Variants in SNRNP200 observed in about 807,000 individuals in gnomAD.
SNRNP200 encodes the protein U5 small nuclear ribonucleoprotein 200 kDa helicase.
Under a neutral mutation model 255.2 loss-of-function variants are expected in SNRNP200, and 66 were observed. That is an observed-to-expected ratio of 0.26 (90% confidence interval 0.21 to 0.32). The LOEUF (loss-of-function observed/expected upper bound fraction) is 0.32. Among genes scored for constraint, SNRNP200 ranks in the 10% least tolerant of loss-of-function variants. The pLI is 1.00. For synonymous variants in SNRNP200, 939 were observed against 1,027.8 expected, an observed-to-expected ratio of 0.91 and a Z score of 1.65; for missense variants, 1,585 against 2,749.8, an observed-to-expected ratio of 0.58 and a Z score of 9.47.
chr2:96,299,483 G>A (rs1187357873), intron 5 of SNRNP200, 56 bp from the exon 6 acceptor site: 2 of 1,421,230 alleles, frequency 1.4e-6, no homozygotes, highest in East Asian at 2.3e-5. Context: ...CATCACCACA[G>A]AACCTCTCCC....
Position 96,305,530 on chromosome 2 carries a change from C to A in SNRNP200, c.-93G>T, listed in dbSNP as rs2063983033. On this transcript the variant is annotated 5_prime_UTR_variant, in exon 1 of 45. Coordinates refer to ENST00000323853, the MANE Select transcript of SNRNP200 (RefSeq NM_014014.5). ...CTCTGCTCCCGCCGCGCCGGAACGA[C>A]GCAGGAAAGACGCACTGGGGAAGGA... is the stretch of plus-strand genomic sequence containing the variant. The A allele has an allele frequency of 1.3e-6, 2 of 1,564,342 alleles. No homozygotes were observed. The highest frequency in any genetic ancestry group is 3.4e-5 in the Admixed American group (2 of 59,448).
At chr2:96,284,761 T>A (rs1331692296) in intron 30 of SNRNP200, 176 bp from the exon 31 acceptor site, 2 of 613,196 alleles carry the variant, frequency 3.3e-6, no homozygotes, top group Non-Finnish European at 5.7e-6. Flanking sequence ...TTTTTTTTTT[T>A]CTTTTGAGAT....
intron 8 of SNRNP200, 35 bp from the exon 9 acceptor site, chr2:96,298,455 G>A: frequency 6.2e-7 from 1 of 1,613,720 alleles, no homozygotes; most frequent in South Asian, 1.1e-5. Flanking sequence ...GAAGTGAGGA[G>A]GAGGAAATAA....
rs1453538312 is a variant in SNRNP200 at position 96,291,481 on chromosome 2, G to A, written c.2332C>T (p.Leu778=). ...TGATGAATAGCAAAGCCATAAGGCA[G>A]AAGATCCTTCAGCTCTAGGTTCTGT... ...QCKNLELKDL[L]PYGFAIHHAG... The change falls in exon 18 of 45, where the codon CTG becomes TTG. Residue 778 remains leucine (L), a synonymous_variant. Coordinates refer to ENST00000323853, the MANE Select transcript of SNRNP200 (RefSeq NM_014014.5). This position sits in a 1 kb window ranked among gnomAD's most constrained non-coding sequence, Gnocchi z 4.2. The A allele has an allele frequency of 1.9e-6, 3 of 1,612,050 alleles. No individual in the cohort carries two copies. Among genetic ancestry groups the A allele is most frequent in the Non-Finnish European group, 2.5e-6 (3 of 1,178,102 alleles).
In SNRNP200 at chr2:96,289,055, A is replaced by C. The variant is rs529006345; in HGVS notation, c.3156T>G (p.Ile1052Met). ...ERVPIPVKES[I>M]EEPSAKINVL... is the part of the protein sequence containing the mutation. Reference sequence around the variant, plus strand: ...AGCTCACCTTAGCACTGGGTTCCTCAATGCTCTCCTTTACAGGGATAGGCA... The same window carrying C: ...AGCTCACCTTAGCACTGGGTTCCTCCATGCTCTCCTTTACAGGGATAGGCA... The change falls in exon 23 of 45, where the codon ATT (isoleucine) becomes ATG (methionine). Residue 1052 changes from isoleucine (I) to methionine (M), a missense_variant. By Grantham distance (10) the Ile-to-Met change is conservative. Transcript: ENST00000323853. The C allele has an allele frequency of 3.7e-6, 6 of 1,612,572 alleles. No homozygotes were observed. Among genetic ancestry groups the C allele is most frequent in the Non-Finnish European group, 5.1e-6 (6 of 1,179,326 alleles).
intron 13 of SNRNP200, 65 bp downstream of exon 13, chr2:96,296,471 G>C: frequency 6.5e-7 from 1 of 1,542,336 alleles, no homozygotes; most frequent in Non-Finnish European, 8.9e-7. Context: ...GTGAGGTCCA[G>C]GCCTGTCCAC....
rs1558763016 is a variant in SNRNP200 at position 96,278,074 on chromosome 2, A to G, written c.5611-124T>C. ...CAACACCCTGAGGCATGTGGGTGGT[A>G]ATGGGATGGAGATGGGTTTGAGGGA... is the stretch of plus-strand genomic sequence containing the variant. On this transcript the variant is annotated intron_variant, in intron 39 of 44. Coordinates refer to ENST00000323853, the MANE Select transcript of SNRNP200 (RefSeq NM_014014.5). The surrounding 1 kb of genome is among the most constrained non-coding windows in gnomAD (Gnocchi z 6.9). 3 of 1,528,072 alleles carry G rather than the reference A, an allele frequency of 2.0e-6. No homozygotes were observed. Among genetic ancestry groups the G allele is most frequent in the Non-Finnish European group, 1.8e-6 (2 of 1,104,526 alleles). 94.7% of individuals were successfully genotyped at this position (1,528,072 alleles called of 1,614,324 possible).
chr2:96,304,574 G>A, intron 2 of SNRNP200, 131 bp downstream of exon 2: 3 of 1,282,502 alleles, frequency 2.3e-6, no homozygotes, highest in Non-Finnish European at 3.4e-6. Flanking sequence ...CTCCTGGTCT[G>A]TTTTTACCTT....
In SNRNP200 at chr2:96,283,367, C is replaced by A. The variant is rs1029364849; in HGVS notation, c.4764-15G>T. The stretch of plus-strand genomic sequence containing the variant: ...AGTGCAAGAACCTGTGCGGTACAGG[C>A]ACTGGCTCAGCTCAGAGTAGTTCAA... On this transcript the variant is annotated splice_polypyrimidine_tract_variant and intron_variant, in intron 33 of 44. Transcript: ENST00000323853. This position sits in a 1 kb window ranked among gnomAD's most constrained non-coding sequence, Gnocchi z 4.7. 1.2e-6 allele frequency: 2 copies of A among 1,613,994 alleles called. No individual in the cohort carries two copies. Among genetic ancestry groups the A allele is most frequent in the Non-Finnish European group, 8.5e-7 (1 of 1,180,030 alleles).
At chr2:96,303,078 C>T (rs775585113) in intron 3 of SNRNP200, 81 bp downstream of exon 3, 59 of 1,477,824 alleles carry the variant, frequency 4.0e-5, no homozygotes, top group Non-Finnish European at 5.3e-5. Context: ...CTTAGCACTT[C>T]GAAGATTCCA....
chr2:96,303,361 C>T (rs1276069765), intron 2 of SNRNP200, 31 bp from the exon 3 acceptor site: 1 of 1,613,388 alleles, frequency 6.2e-7, no homozygotes, highest in South Asian at 1.1e-5. Flanking sequence ...TATTGAATGG[C>T]AGAACCTTTC....
At position 96,283,123 on chromosome 2, in the gene SNRNP200, T is replaced by C; in HGVS notation, c.4915+78A>G. On this transcript the variant is annotated intron_variant, in intron 34 of 44. Transcript: ENST00000323853. This position sits in a 1 kb window ranked among gnomAD's most constrained non-coding sequence, Gnocchi z 4.7. ...CTCTGGTATGCTGTAGAGAAAACAC[T>C]GCCACCCGCACCCCTCAAGTTTAAC... 1 of 1,564,358 alleles carries C rather than the reference T, an allele frequency of 6.4e-7. No individual in the cohort carries two copies. Among genetic ancestry groups the C allele is most frequent in the Non-Finnish European group, 8.8e-7 (1 of 1,141,466 alleles).
chr2:96,303,460 C>T, intron 2 of SNRNP200, 130 bp from the exon 3 acceptor site: 1 of 1,098,348 alleles, frequency 9.1e-7, no homozygotes, highest in Non-Finnish European at 1.4e-6. Context: ...ATCTGAGCCT[C>T]AGCAAATGAT....
At chr2:96,297,828 T>G in intron 9 of SNRNP200, 108 bp from the exon 10 acceptor site, 2 of 1,163,424 alleles carry the variant, frequency 1.7e-6, no homozygotes, top group East Asian at 2.4e-5. Context: ...TGCTGACTAG[T>G]AAGTCGTGAA....
In SNRNP200 at chr2:96,277,810, A is replaced by G; in HGVS notation, c.5751T>C (p.Ser1917=). Residue 1917 remains serine (S), a synonymous_variant, in exon 40 of 45, where the codon AGT becomes AGC. Transcript: ENST00000323853. This position sits in a 1 kb window ranked among gnomAD's most constrained non-coding sequence, Gnocchi z 4.4. ...ELQSDTEEIL[S]KAIRLIQACV... ...CTGCCCCACACCCACACTCTACCTT[A>G]CTAAGGATTTCCTCCGTATCTGACT... 3 of 1,614,222 alleles carry G rather than the reference A, an allele frequency of 1.9e-6. No homozygotes were observed. Among genetic ancestry groups the G allele is most frequent in the Middle Eastern group, 1.7e-4 (1 of 6,058 alleles).
chr2:96,298,871 A>G lies in SNRNP200; in HGVS notation c.826T>C (p.Tyr276His), dbSNP rs753684352. Residue 276 changes from tyrosine to histidine, a missense_variant, in exon 7 of 45, where the codon TAT becomes CAT. Physicochemically the swap from Tyr to His is moderately conservative, Grantham distance 83 (BLOSUM62 2). Coordinates refer to ENST00000323853, the MANE Select transcript of SNRNP200 (RefSeq NM_014014.5). ...FWLQRQLSRF[Y>H]DDAIVSQKKA... is the part of the protein sequence containing the mutation. ...TTCTGCGACACGATGGCATCATCAT[A>G]GAAACGACTGAGCTGCCGCTGCAGC... is the stretch of plus-strand genomic sequence containing the variant. The G allele has an allele frequency of 6.2e-7, 1 of 1,614,232 alleles. No homozygotes were observed. The highest frequency in any genetic ancestry group is 8.5e-7 in the Non-Finnish European group (1 of 1,180,040).
At chr2:96,285,704 TC>T (rs1432761195) in intron 29 of SNRNP200, among the ~76,000 whole-genome samples, 3 of 152,218 alleles carry the variant, frequency 2.0e-5, no homozygotes, top group Non-Finnish European at 4.4e-5. Flanking sequence ...TTCAACACTC[TC>T]CTGCGTTTCC....
At position 96,289,911 on chromosome 2, in the gene SNRNP200, A is replaced by G. The variant is rs2063873872; in HGVS notation, c.2828T>C (p.Leu943Pro). 2 of 1,614,146 alleles carry G rather than the reference A, an allele frequency of 1.2e-6. No individual in the cohort carries two copies. Among genetic ancestry groups the G allele is most frequent in the Non-Finnish European group, 1.7e-6 (2 of 1,180,006 alleles). ...CTGGTCCAGCAGGGGATCTCCCTTG[A>G]GGTCATCATGAGAGATGCCATAGAG... ...PTLYGISHDDLKGDPLLDQRR... is the reference protein window; with the variant it reads ...PTLYGISHDDPKGDPLLDQRR... The change falls in exon 21 of 45, where the codon CTC becomes CCC. Residue 943 changes from leucine (L) to proline (P), a missense_variant. Physicochemically the swap from Leu to Pro is moderately conservative, Grantham distance 98. Transcript: ENST00000323853.
Position 96,301,512 on chromosome 2 carries a change from G to A in SNRNP200, c.574+12C>T, listed in dbSNP as rs761734438. ...CCAATGAACATGATCAGAACATAAA[G>A]CGCGCACTTACCCATATTTTGGATT... On this transcript the variant is annotated intron_variant, in intron 4 of 44. Coordinates refer to ENST00000323853, the MANE Select transcript of SNRNP200 (RefSeq NM_014014.5). 19 of 1,613,760 alleles carry A rather than the reference G, an allele frequency of 1.2e-5. No individual in the cohort carries two copies. Among genetic ancestry groups the A allele is most frequent in the Non-Finnish European group, 1.6e-5 (19 of 1,179,766 alleles).
Sources: gnomAD v4.1 joint callset for allele counts (sites outside exome capture counted in the v4.1 genomes callset) on GRCh38, gnomAD v4.1.1 for gene constraint, Gnocchi (gnomAD v3.1) non-coding constraint, MANE v1.5 for transcripts, NCBI Gene and HGNC (gene_info 2026-07-23, HGNC 2026-07-21) for gene names.